The following GRIA1 variants were observed in gnomAD, a reference collection of about 807,000 sequenced individuals.
GRIA1 encodes glutamate ionotropic receptor AMPA type subunit 1.
In GRIA1, 31 loss-of-function variants were observed where a neutral mutation model predicts 99.2. The ratio of observed to expected loss-of-function variants is 0.31; its 90% confidence interval spans 0.23 to 0.42. The LOEUF (loss-of-function observed/expected upper bound fraction) is 0.42. Among genes scored for constraint, GRIA1 ranks in the 10% least tolerant of loss-of-function variants. The pLI is 1.00. For missense variants in GRIA1, 782 were observed against 1,157.5 expected (o/e 0.68, Z 4.71); for synonymous variants, 438 against 432.4 (o/e 1.01, Z -0.16).
intron 2 of GRIA1, among the ~76,000 whole-genome samples, chr5:153,601,408 C>T (rs1764949391): frequency 6.6e-6 from 1 of 152,124 alleles, no homozygotes; most frequent in Non-Finnish European, 1.5e-5. Flanking sequence ...TATCTTACAG[C>T]CCTGCTGTTT....
chr5:153,780,580 A>G (rs1764567971), intron 13 of GRIA1, among the ~76,000 whole-genome samples: 1 of 152,266 alleles, frequency 6.6e-6, no homozygotes, highest in Non-Finnish European at 1.5e-5. Context: ...TGCCTGGCAC[A>G]TAGTAAAATG....
At chr5:153,701,330 T>G (rs1305152940) in intron 10 of GRIA1, among the ~76,000 whole-genome samples, 1 of 151,984 alleles carries the variant, frequency 6.6e-6, no homozygotes, top group Non-Finnish European at 1.5e-5. Context: ...TAAAAACTGT[T>G]CTGACCAGGT....
chr5:153,521,765 T>G (rs1757165869), intron 2 of GRIA1, among the ~76,000 whole-genome samples: 1 of 152,212 alleles, frequency 6.6e-6, no homozygotes, highest in Non-Finnish European at 1.5e-5. Flanking sequence ...TTAGGCTCTA[T>G]GCACTGTTGT....
chr5:153,544,288 A>G (rs185289853), intron 2 of GRIA1, among the ~76,000 whole-genome samples: 2 of 152,246 alleles, frequency 1.3e-5, no homozygotes, highest in African/African-American at 4.8e-5. Context: ...CAGGGGAGAT[A>G]CTATTATCTG....
chr5:153,614,891 G>A (rs1352963797), intron 2 of GRIA1, among the ~76,000 whole-genome samples: 2 of 152,142 alleles, frequency 1.3e-5, no homozygotes, highest in Non-Finnish European at 2.9e-5. Context: ...AGGACCCAGT[G>A]GCAGGTGGAA....
At chr5:153,711,181 G>A (rs189442146) in intron 11 of GRIA1, among the ~76,000 whole-genome samples, 4 of 152,284 alleles carry the variant, frequency 2.6e-5, no homozygotes, top group Non-Finnish European at 1.5e-5. Flanking sequence ...TAAATGCAAT[G>A]GAAGACCATT....
chr5:153,562,760 T>A (rs2149353970), intron 2 of GRIA1, among the ~76,000 whole-genome samples: 1 of 152,342 alleles, frequency 6.6e-6, no homozygotes, highest in Non-Finnish European at 1.5e-5. Flanking sequence ...GAGGAGATAT[T>A]AAAATATCTC....
chr5:153,748,821 A>G (rs1459916207), intron 11 of GRIA1, among the ~76,000 whole-genome samples: 5 of 152,132 alleles, frequency 3.3e-5, no homozygotes, highest in African/African-American at 1.2e-4. Flanking sequence ...TTATTTGCAC[A>G]TTTTTTGTGA....
chr5:153,737,142 G>T (rs539188999), intron 11 of GRIA1, among the ~76,000 whole-genome samples: 1 of 152,066 alleles, frequency 6.6e-6, no homozygotes, highest in Non-Finnish European at 1.5e-5. Context: ...TGAAGTAAAT[G>T]CATAATGTAT....
At chr5:153,500,622 C>T (rs899230338) in intron 2 of GRIA1, among the ~76,000 whole-genome samples, 6 of 140,016 alleles carry the variant, frequency 4.3e-5, no homozygotes, top group East Asian at 2.0e-4. Flanking sequence ...CACACACACA[C>T]ACACACACAC....
chr5:153,691,526 G>C (rs1757753916), intron 8 of GRIA1, among the ~76,000 whole-genome samples: 1 of 152,136 alleles, frequency 6.6e-6, no homozygotes, highest in African/African-American at 2.4e-5. Context: ...AGAATGAAAA[G>C]ACTGGGCAGG....
intron 2 of GRIA1, among the ~76,000 whole-genome samples, chr5:153,511,801 AC>A (rs1756105368): frequency 6.6e-6 from 1 of 152,168 alleles, no homozygotes. Flanking sequence ...AAACAGTTTT[AC>A]CCAGAACAAG....
intron 13 of GRIA1, among the ~76,000 whole-genome samples, chr5:153,792,556 G>A (rs1765362499): frequency 1.3e-5 from 2 of 152,212 alleles, no homozygotes; most frequent in South Asian, 2.1e-4. Context: ...CAGAGAAGTA[G>A]AGGAGACAAG....
intron 1 of GRIA1, chr5:153,492,380 C>T: frequency 4.3e-6 from 6 of 1,382,500 alleles, no homozygotes; most frequent in Non-Finnish European, 5.7e-6. Flanking sequence ...TCCCTTGTAG[C>T]CCAGCCCGTA....
intron 13 of GRIA1, among the ~76,000 whole-genome samples, chr5:153,778,902 C>G (rs1238619449): frequency 6.6e-6 from 1 of 152,146 alleles, no homozygotes; most frequent in Non-Finnish European, 1.5e-5. Flanking sequence ...ATGTCTTACC[C>G]TATAACTACA....
chr5:153,801,677 T>C (rs1766034643), intron 14 of GRIA1, among the ~76,000 whole-genome samples: 2 of 152,222 alleles, frequency 1.3e-5, no homozygotes, highest in African/African-American at 2.4e-5. Context: ...TTAAGCATAA[T>C]TATTAAGATT....
intron 8 of GRIA1, among the ~76,000 whole-genome samples, chr5:153,688,246 T>G (rs1004575863): frequency 6.6e-6 from 1 of 152,156 alleles, no homozygotes; most frequent in Non-Finnish European, 1.5e-5. Flanking sequence ...GGCACCCTAT[T>G]TGGCTATGAA....
At chr5:153,626,777 C>A (rs1030454157) in intron 2 of GRIA1, among the ~76,000 whole-genome samples, 7 of 151,926 alleles carry the variant, frequency 4.6e-5, no homozygotes, top group African/African-American at 1.2e-4. Flanking sequence ...TGGTGCCCAG[C>A]GACTATAGGG....
At chr5:153,601,773 A>C (rs1344527878) in intron 2 of GRIA1, among the ~76,000 whole-genome samples, 1 of 152,218 alleles carries the variant, frequency 6.6e-6, no homozygotes, top group Non-Finnish European at 1.5e-5. Flanking sequence ...TTGAATTGTA[A>C]GGGACCTTAG....
Sources: gnomAD v4.1 joint callset for allele counts (sites outside exome capture counted in the v4.1 genomes callset) on GRCh38, gnomAD v4.1.1 for gene constraint, MANE v1.5 for transcripts, NCBI Gene and HGNC (gene_info 2026-07-23, HGNC 2026-07-21) for gene names.